Variants in BRSK2 observed in about 807,000 individuals in gnomAD.
BRSK2 encodes BR serine/threonine kinase 2.
BRSK2 carries 19 observed loss-of-function variants against 83.3 expected under a neutral mutation model. The ratio of observed to expected loss-of-function variants is 0.23; its 90% CI spans 0.16 to 0.33. The LOEUF (loss-of-function observed/expected upper bound fraction) is 0.33. BRSK2 is among the 10% of genes least tolerant of loss of function. The pLI, the probability that BRSK2 is intolerant of heterozygous loss-of-function variation, is 1.00. For missense variants in BRSK2, 798 were observed against 1,042.3 expected, an observed-to-expected ratio of 0.77 and a Z score of 3.23; for synonymous variants, 519 against 435.4, an observed-to-expected ratio of 1.19 and a Z score of -2.39.
At chr11:1,395,145 C>G (rs1845991296) in intron 1 of BRSK2, among the ~76,000 whole-genome samples, 1 of 152,194 alleles carries the variant, frequency 6.6e-6, no homozygotes. Flanking sequence ...TTCCCCACAT[C>G]AGGCCCTGGC....
intron 3 of BRSK2, 25 bp from the exon 4 acceptor site, chr11:1,440,763 G>A (rs775719590): frequency 2.3e-5 from 36 of 1,549,866 alleles, no homozygotes; most frequent in East Asian, 2.2e-4. Context: ...ACAGCTGGGC[G>A]CACTGGTGGC....
Position 1,417,146 on chromosome 11 carries a change from G to A in BRSK2, c.92-18894G>A, listed in dbSNP as rs532125824. Reference sequence around the variant, plus strand: ...TGCACTCCACACTGGGGGATAAAGCGAGACTCCATCTCAGAAAAAAATAAA... The same window carrying A: ...TGCACTCCACACTGGGGGATAAAGCAAGACTCCATCTCAGAAAAAAATAAA... On this transcript the variant is annotated intron_variant, in intron 1 of 19. Transcript: ENST00000528841. 3.3e-5 allele frequency among the ~76,000 whole-genome samples: 5 copies of A among 152,258 alleles called. No individual in the cohort carries two copies. The East Asian group carries it at 5.8e-4, about 18-fold the overall frequency.
intron 3 of BRSK2, among the ~76,000 whole-genome samples, chr11:1,439,333 G>C (rs995326743): frequency 6.6e-6 from 1 of 152,136 alleles, no homozygotes; most frequent in African/African-American, 2.4e-5. Context: ...TAGCTGGGGA[G>C]AGGAAACCCA....
intron 19 of BRSK2, among the ~76,000 whole-genome samples, chr11:1,460,021 C>A (rs1486348252): frequency 6.6e-6 from 1 of 151,540 alleles, no homozygotes; most frequent in East Asian, 1.9e-4. Context: ...GAGCTCCCAG[C>A]AGGCCCTTGT....
At chr11:1,441,133 A>C (rs1259336321) in intron 4 of BRSK2, among the ~76,000 whole-genome samples, 3 of 80,826 alleles carry the variant, frequency 3.7e-5, no homozygotes, top group African/African-American at 1.1e-4. Context: ...TCCATTAGCT[A>C]CCCCTCAAGT....
intron 12 of BRSK2, among the ~76,000 whole-genome samples, 181 bp from the exon 13 acceptor site, chr11:1,449,595 G>A (rs371820386): frequency 6.6e-5 from 10 of 152,140 alleles, no homozygotes; most frequent in African/African-American, 2.4e-4. Context: ...GTGGGGCTGG[G>A]CACAGCCAGG....
intron 1 of BRSK2, among the ~76,000 whole-genome samples, chr11:1,422,720 C>A (rs369089741): frequency 9.8e-5 from 15 of 152,294 alleles, no homozygotes; most frequent in Admixed American, 9.8e-4. Context: ...CAGGCCTGAC[C>A]GTCCAAGGCT....
intron 3 of BRSK2, among the ~76,000 whole-genome samples, chr11:1,439,411 TG>T (rs746265812): frequency 1.9e-3 from 286 of 150,784 alleles, no homozygotes; most frequent in Non-Finnish European, 3.5e-3. Flanking sequence ...ACCAGAGGAC[TG>T]GGGGGGCGGG....
intron 1 of BRSK2, among the ~76,000 whole-genome samples, chr11:1,427,975 G>C (rs1849446453): frequency 6.6e-6 from 1 of 152,230 alleles, no homozygotes; most frequent in Non-Finnish European, 1.5e-5. Context: ...CTGCTGCCTA[G>C]GACCCCAGGG....
At position 1,412,409 on chromosome 11, in the gene BRSK2, G is replaced by C. The variant is rs4429085; in HGVS notation, c.91+22034G>C. On this transcript the variant is annotated intron_variant, in intron 1 of 19. Coordinates refer to ENST00000528841, the MANE Select transcript of BRSK2 (RefSeq NM_001256627.2). ...CCCCGTCCTGCGGTGGGTGGAGTCT[G>C]AGCTGCGCTGCCCCGTCCTGCGGTG... is the stretch of plus-strand genomic sequence containing the variant. Among the ~76,000 whole-genome samples the C allele has an allele frequency of 5.7e-3, 71 of 12,476 alleles. 5 individuals carry two copies. The highest frequency in any genetic ancestry group is 0.013 in the African/African-American group (44 of 3,276). The allele number at this position is 12,476 out of a possible 152,430, so 8.2% of individuals were successfully genotyped here.
At position 1,459,391 on chromosome 11, in the gene BRSK2, C is replaced by T. The variant is rs1309454158; in HGVS notation, c.1987+152C>T. On this transcript the variant is annotated intron_variant, in intron 19 of 19. Coordinates refer to ENST00000528841, the MANE Select transcript of BRSK2 (RefSeq NM_001256627.2). ...GCCCAGATGTCCCCGGCCCCATCCT[C>T]TACCAGGAGCAGCCCAGGTCGCTCC... 3.6e-6 allele frequency: 3 copies of T among 843,212 alleles called. No homozygotes were observed. The African/African-American group carries it at 5.0e-5, about 14-fold the overall frequency. 52.2% of individuals were successfully genotyped at this position (843,212 alleles called of 1,614,324 possible). A position where few individuals can be genotyped will look rare whatever the true frequency, so the allele number is the denominator to read the frequency against.
chr11:1,450,903 A>G (rs112388890), intron 14 of BRSK2, 109 bp downstream of exon 14: 1 of 1,130,516 alleles, frequency 8.8e-7, no homozygotes, highest in Non-Finnish European at 1.2e-6. Context: ...CTGTAGCTGC[A>G]GGGGTGGCCT....
At chr11:1,449,663 C>CA in intron 12 of BRSK2, 113 bp from the exon 13 acceptor site, 1 of 870,836 alleles carries the variant, frequency 1.1e-6, no homozygotes, top group South Asian at 1.8e-5. Flanking sequence ...CCTCGAGGCT[C>CA]TTGGCCCGGG....
intron 1 of BRSK2, among the ~76,000 whole-genome samples, chr11:1,408,014 A>G (rs1008699028): frequency 5.3e-5 from 8 of 152,184 alleles, no homozygotes; most frequent in South Asian, 2.1e-4. Context: ...CACCTCCTCC[A>G]TCACCTCCTG....
chr11:1,440,997 C>T, intron 4 of BRSK2, 69 bp downstream of exon 4: 2 of 1,401,626 alleles, frequency 1.4e-6, no homozygotes, highest in Non-Finnish European at 2.0e-6. Context: ...CCACAGATGC[C>T]CCCTGTGCCC....
chr11:1,456,033 C>T (rs1275412382), intron 16 of BRSK2, among the ~76,000 whole-genome samples: 3 of 152,312 alleles, frequency 2.0e-5, no homozygotes, highest in Admixed American at 6.5e-5. Flanking sequence ...CAGGGGTCAC[C>T]TTCCACCTCC....
At chr11:1,416,931 A>C (rs1192034389) in intron 1 of BRSK2, among the ~76,000 whole-genome samples, 2 of 152,074 alleles carry the variant, frequency 1.3e-5, no homozygotes, top group African/African-American at 4.8e-5. Flanking sequence ...GAGGTCAAGG[A>C]GGGCGGATCA....
At chr11:1,422,464 G>T (rs534992759) in intron 1 of BRSK2, among the ~76,000 whole-genome samples, 117 of 152,256 alleles carry the variant, frequency 7.7e-4, no homozygotes, top group Non-Finnish European at 1.5e-3. Context: ...CGGAGGCTCT[G>T]CGGTGGGCCC....
At chr11:1,453,512 G>A (rs943236169) in intron 15 of BRSK2, among the ~76,000 whole-genome samples, 3 of 152,334 alleles carry the variant, frequency 2.0e-5, no homozygotes, top group African/African-American at 4.8e-5. Flanking sequence ...GGTGGCCCTC[G>A]GAGTTTTGAA....
Sources: gnomAD v4.1 joint callset for allele counts (sites outside exome capture counted in the v4.1 genomes callset) on GRCh38, gnomAD v4.1.1 for gene constraint, MANE v1.5 for transcripts, NCBI Gene and HGNC (gene_info 2026-07-23, HGNC 2026-07-21) for gene names.